ARHGAP29: variants seen among roughly 807,000 people sequenced by gnomAD.
ARHGAP29 encodes the protein rho GTPase-activating protein 29.
A neutral mutation model predicts 122.6 loss-of-function variants in ARHGAP29; 43 were observed. The ratio of observed to expected loss-of-function variants is 0.35; its 90% CI spans 0.27 to 0.45. The LOEUF (loss-of-function observed/expected upper bound fraction) is 0.45, where lower values mean the gene tolerates loss of function less well. Ranked by LOEUF, ARHGAP29 falls within the 20% of genes least tolerant of loss-of-function variation. The probability of loss-of-function intolerance (pLI) is 1.00; values close to 1 mark genes in which losing one functional copy is unlikely to be tolerated. For missense variants in ARHGAP29, 1,303 were observed against 1,477.2 expected, an observed-to-expected ratio of 0.88 and a Z score of 1.93; for synonymous variants, 506 against 497.1, an observed-to-expected ratio of 1.02 and a Z score of -0.24.
rs914991664 is a variant in ARHGAP29, at chr1:94,211,446, C to T, written c.341-2096G>A. Among the ~76,000 whole-genome samples the T allele has an allele frequency of 4.6e-5, 7 of 152,032 alleles. 1 individual carries two copies. Among genetic ancestry groups the T allele is most frequent in the South Asian group, 2.1e-4 (1 of 4,806 alleles). ...TAACCCTTCGCAATAACTGACAGAACGCGTAGATGGAAAATAAGTAAGCAT... is the reference window on the plus strand; with the variant it reads ...TAACCCTTCGCAATAACTGACAGAATGCGTAGATGGAAAATAAGTAAGCAT... On this transcript the variant is annotated intron_variant, in intron 3 of 22. Coordinates refer to ENST00000260526, the MANE Select transcript of ARHGAP29 (RefSeq NM_004815.4).
the ARHGAP29 span, among the ~76,000 whole-genome samples, chr1:94,281,197 C>G: frequency 3.3e-5 from 5 of 152,128 alleles, no homozygotes; most frequent in African/African-American, 1.2e-4. Context: ...ATCACACACT[C>G]CTATAGACAC....
Position 94,189,197 on chromosome 1 carries a change from C to T in ARHGAP29, c.1576+19G>A. 6.3e-7 allele frequency: 1 copy of T among 1,595,542 alleles called. No individual in the cohort carries two copies. Among genetic ancestry groups the T allele is most frequent in the East Asian group, 2.2e-5 (1 of 44,740 alleles). On this transcript the variant is annotated intron_variant, in intron 14 of 22. Transcript: ENST00000260526. The stretch of plus-strand genomic sequence containing the variant: ...CTGACCTTTTATAAATTAGCACTCT[C>T]TTTAGGGTGGAAAACTACCTGTTAT...
chr1:94,253,997 G>T (rs994944590), intron 1 of ARHGAP29, among the ~76,000 whole-genome samples: 10 of 152,130 alleles, frequency 6.6e-5, no homozygotes, highest in African/African-American at 2.2e-4. Flanking sequence ...AGTATTAGAA[G>T]AACTATTATC....
intron 3 of ARHGAP29, among the ~76,000 whole-genome samples, chr1:94,218,297 A>T (rs942859868): frequency 2.6e-5 from 4 of 152,238 alleles, no homozygotes; most frequent in Non-Finnish European, 4.4e-5. Context: ...ACAACAAAAT[A>T]ATCTTCCCCT....
chr1:94,223,519 G>C (rs1319728050), intron 2 of ARHGAP29, among the ~76,000 whole-genome samples: 1 of 152,024 alleles, frequency 6.6e-6, no homozygotes, highest in African/African-American at 2.4e-5. Flanking sequence ...GAACACAGTA[G>C]GCCCTTCATA....
At chr1:94,212,331 C>T (rs1354432725) in intron 3 of ARHGAP29, among the ~76,000 whole-genome samples, 1 of 151,898 alleles carries the variant, frequency 6.6e-6, no homozygotes, top group East Asian at 1.9e-4. Context: ...AAAGGGGGGA[C>T]CAAGAGATAC....
chr1:94,236,460 A>C (rs1653266745), intron 1 of ARHGAP29, among the ~76,000 whole-genome samples: 1 of 152,208 alleles, frequency 6.6e-6, no homozygotes, highest in Admixed American at 6.5e-5. Context: ...CGACGGACAA[A>C]AGATAAACTA....
the ARHGAP29 span, among the ~76,000 whole-genome samples, chr1:94,287,198 A>G: frequency 6.6e-6 from 1 of 152,180 alleles, no homozygotes; most frequent in African/African-American, 2.4e-5. Context: ...ATTACAAAGA[A>G]TACTGATATG....
intron 1 of ARHGAP29, among the ~76,000 whole-genome samples, chr1:94,246,067 T>C (rs144048228): frequency 1.1e-3 from 168 of 152,324 alleles, no homozygotes; most frequent in African/African-American, 3.8e-3. Context: ...TCCTGCCAAA[T>C]TGGGGACTAA....
intron 2 of ARHGAP29, among the ~76,000 whole-genome samples, chr1:94,224,005 C>T (rs1652477227): frequency 6.6e-6 from 1 of 152,064 alleles, no homozygotes; most frequent in Admixed American, 6.5e-5. Context: ...GACGAGGTTT[C>T]ACTATGTTGG....
intron 1 of ARHGAP29, among the ~76,000 whole-genome samples, chr1:94,243,697 A>T (rs189658380): frequency 6.6e-6 from 1 of 152,090 alleles, no homozygotes; most frequent in East Asian, 1.9e-4. Flanking sequence ...ATAAGAACAG[A>T]AATCAGTGAT....
intron 1 of ARHGAP29, among the ~76,000 whole-genome samples, chr1:94,244,680 A>G (rs1284517328): frequency 2.0e-5 from 3 of 152,142 alleles, no homozygotes; most frequent in African/African-American, 7.2e-5. Context: ...ATAAGCTACT[A>G]CATCTAATAA....
In ARHGAP29 at chr1:94,170,808, C is replaced by G. The variant is rs1032791067; in HGVS notation, c.*3061G>C. ...TTCCTGACATGGTCTAACATTTTCTCCATCAAGATCTTGTACATCTTTTGT... is the reference window on the plus strand; with the variant it reads ...TTCCTGACATGGTCTAACATTTTCTGCATCAAGATCTTGTACATCTTTTGT... On this transcript the variant is annotated 3_prime_UTR_variant, in exon 23 of 23. Coordinates refer to ENST00000260526, the MANE Select transcript of ARHGAP29 (RefSeq NM_004815.4). 6.6e-6 allele frequency among the ~76,000 whole-genome samples: 1 copy of G among 152,136 alleles called. No homozygotes were observed. The highest frequency in any genetic ancestry group is 2.4e-5 in the African/African-American group (1 of 41,426).
At chr1:94,233,531 T>C (rs1387827541) in intron 1 of ARHGAP29, among the ~76,000 whole-genome samples, 1 of 152,168 alleles carries the variant, frequency 6.6e-6, no homozygotes, top group Non-Finnish European at 1.5e-5. Flanking sequence ...AATCTCATAA[T>C]GTCATTTCTC....
chr1:94,178,227 G>A lies in ARHGAP29; in HGVS notation c.2481-60C>T, dbSNP rs1242275865. 8 of 1,498,586 alleles carry A rather than the reference G, an allele frequency of 5.3e-6. No individual in the cohort carries two copies. The African/African-American group carries it at 9.8e-5, about 18-fold the overall frequency. 92.8% of individuals were successfully genotyped at this position (1,498,586 alleles called of 1,614,324 possible). On this transcript the variant is annotated intron_variant, in intron 20 of 22. Coordinates refer to ENST00000260526, the MANE Select transcript of ARHGAP29 (RefSeq NM_004815.4). ...TTCCTATTAGAGTTCCTTGACTGTA[G>A]TTTACTATGGAATAGAGAGGGTGGA...
At chr1:94,281,442 C>T in the ARHGAP29 span, among the ~76,000 whole-genome samples, 1 of 150,190 alleles carries the variant, frequency 6.7e-6, no homozygotes, top group Non-Finnish European at 1.5e-5. Context: ...CTGGGAACAG[C>T]CCAGCACGTA....
chr1:94,177,641 G>A lies in ARHGAP29; in HGVS notation c.2876C>T (p.Ala959Val), dbSNP rs377417799. Residue 959 changes from alanine (A) to valine (V), a missense_variant, in exon 22 of 23, where the codon GCG becomes GTG. Ala to Val is a moderately conservative substitution (Grantham distance 64). Transcript: ENST00000260526. ...SFEESERKQN[A>V]LGKCDACLSD... ...GAGACATGCATCACATTTTCCTAAC[G>A]CATTTTGCTTGCGTTCTGATTCCTC... 6.0e-5 allele frequency: 96 copies of A among 1,610,728 alleles called. No individual in the cohort carries two copies. The highest frequency in any genetic ancestry group is 4.9e-4 in the Middle Eastern group (3 of 6,070).
At chr1:94,219,056 T>A (rs115432305) in intron 3 of ARHGAP29, among the ~76,000 whole-genome samples, 2 of 152,120 alleles carry the variant, frequency 1.3e-5, no homozygotes, top group South Asian at 4.1e-4. Context: ...CCTTTCCTCA[T>A]TCAGCCTAGA....
At chr1:94,309,447 C>T in the ARHGAP29 span, among the ~76,000 whole-genome samples, 143 of 152,238 alleles carry the variant, frequency 9.4e-4, no homozygotes, top group Non-Finnish European at 9.7e-4. Flanking sequence ...TGCTCTTCCT[C>T]GCTTATCAGC....
Sources: allele counts gnomAD v4.1 joint callset (sites outside exome capture counted in the v4.1 genomes callset), GRCh38; gene constraint gnomAD v4.1.1; transcripts MANE v1.5; gene names NCBI Gene and HGNC (gene_info 2026-07-23, HGNC 2026-07-21).